PCDHGA6: variants seen among roughly 807,000 people sequenced by gnomAD.
The protein encoded by PCDHGA6 is protocadherin gamma subfamily A, 6.
In PCDHGA6, 41 loss-of-function variants were observed where a neutral mutation model predicts 60.6. The observed-to-expected ratio is 0.68, with a 90% CI of 0.53 to 0.88. The LOEUF (loss-of-function observed/expected upper bound fraction) is 0.88, where lower values mean the gene tolerates loss of function less well. Among genes scored for constraint, PCDHGA6 ranks in the 40% least tolerant of loss-of-function variants. The probability of loss-of-function intolerance (pLI) is 0.00; values close to 1 mark genes in which losing one functional copy is unlikely to be tolerated. For synonymous variants in PCDHGA6, 594 were observed against 524.4 expected, an observed-to-expected ratio of 1.13 and a Z score of -1.81; for missense variants, 1,312 against 1,203.0, an observed-to-expected ratio of 1.09 and a Z score of -1.34.
intron 1 of PCDHGA6, chr5:141,426,685 A>C (rs1342844985): frequency 4.6e-6 from 2 of 432,608 alleles, no homozygotes; most frequent in African/African-American, 2.0e-5. Flanking sequence ...CATTTTCCCC[A>C]AAATAGCATT....
Position 141,422,774 on chromosome 5 carries a change from A to G in PCDHGA6, c.2424+46267A>G, listed in dbSNP as rs372343628. On this transcript the variant is annotated intron_variant, in intron 1 of 3. Coordinates refer to ENST00000517434, the MANE Select transcript of PCDHGA6 (RefSeq NM_018919.3). ...ATTAACTCCAACACTGGTGTTCTCT[A>G]TGCCCTACAATCCTTCGACTATGAG... 100 of 1,613,880 alleles carry G rather than the reference A, an allele frequency of 6.2e-5. 1 individual carries two copies. In the Middle Eastern group the frequency reaches 1.3e-3, roughly 21 times the overall value.
In PCDHGA6 at chr5:141,491,250, C is replaced by T. The variant is rs1328621598; in HGVS notation, c.2425-3557C>T. The T allele has an allele frequency of 6.2e-7, 1 of 1,614,148 alleles. No individual in the cohort carries two copies. Among genetic ancestry groups the T allele is most frequent in the South Asian group, 1.1e-5 (1 of 91,092 alleles). ...TGCTGCTGGTTCTGGAGGATGAGGA[C>T]CCTGAGGAAATGCCCAAATCCAGTG... On this transcript the variant is annotated intron_variant, in intron 1 of 3. Transcript: ENST00000517434. The surrounding 1 kb of genome is among the most constrained non-coding windows in gnomAD (Gnocchi z 6.9).
At chr5:141,462,217 C>T (rs1469685983) in intron 1 of PCDHGA6, among the ~76,000 whole-genome samples, 1 of 152,216 alleles carries the variant, frequency 6.6e-6, no homozygotes, top group South Asian at 2.1e-4. Flanking sequence ...GCCTCGGCCT[C>T]CCAAAGTGCA....
At chr5:141,426,037 G>A (rs2096911238) in intron 1 of PCDHGA6, among the ~76,000 whole-genome samples, 1 of 152,176 alleles carries the variant, frequency 6.6e-6, no homozygotes, top group South Asian at 2.1e-4. Flanking sequence ...TCAGAGCCCT[G>A]CTGTTGGCCA....
chr5:141,438,625 TATATATATATACACAC>T (rs1232816129), intron 1 of PCDHGA6, among the ~76,000 whole-genome samples: 1,472 of 46,190 alleles, frequency 0.032, 16 homozygotes, highest in African/African-American at 0.13. Context: ...TATATATATA[TATATATATATACACAC>T]ACACACACAC....
chr5:141,393,171 G>A (rs768471669), intron 1 of PCDHGA6: 1 of 1,613,268 alleles, frequency 6.2e-7, no homozygotes, highest in Non-Finnish European at 8.5e-7. Context: ...CTTTGGGGTA[G>A]AAATAGAAAT....
chr5:141,450,815 A>AT (rs1554136868), intron 1 of PCDHGA6, among the ~76,000 whole-genome samples: 4,329 of 126,688 alleles, frequency 0.034, 70 homozygotes, highest in Middle Eastern at 0.091. Flanking sequence ...TATTTATTTA[A>AT]TATTATTATT....
At chr5:141,409,262 G>A (rs768196825) in intron 1 of PCDHGA6, 2 of 1,613,834 alleles carry the variant, frequency 1.2e-6, no homozygotes, top group African/African-American at 2.7e-5. Flanking sequence ...TTCTCTCTCT[G>A]ATCAGATTTT....
chr5:141,403,403 C>G (rs755177334), intron 1 of PCDHGA6: 2 of 1,614,066 alleles, frequency 1.2e-6, no homozygotes, highest in Non-Finnish European at 1.7e-6. Context: ...TCCTGGAGCA[C>G]GTTATCCACT....
In PCDHGA6 at chr5:141,487,762, T is replaced by C; in HGVS notation, c.2425-7045T>C. 6.5e-7 allele frequency: 1 copy of C among 1,545,432 alleles called. No homozygotes were observed. The highest frequency in any genetic ancestry group is 8.8e-7 in the Non-Finnish European group (1 of 1,142,332). ...TAAGAGGTAACTATGTGGTAGACGC[T>C]GTGCTTTGTAACTGTTTCGTGAATT... On this transcript the variant is annotated intron_variant, in intron 1 of 3. Coordinates refer to ENST00000517434, the MANE Select transcript of PCDHGA6 (RefSeq NM_018919.3). The surrounding 1 kb of genome is among the most constrained non-coding windows in gnomAD (Gnocchi z 5.0).
chr5:141,375,552 C>T lies in PCDHGA6; in HGVS notation c.1469C>T (p.Ser490Leu). The T allele has an allele frequency of 6.2e-7, 1 of 1,614,058 alleles. No individual in the cohort carries two copies. Residue 490 changes from serine to leucine, a missense_variant, in exon 1 of 4, where the codon TCA (serine) becomes TTA (leucine). Transcript: ENST00000517434. ...GACCAGAACGCCCAAGTCTCCTACTCACTGGCAGAAGACACCCTCCAGGGG... is the reference window on the plus strand; with the variant it reads ...GACCAGAACGCCCAAGTCTCCTACTTACTGGCAGAAGACACCCTCCAGGGG... ...DVDQNAQVSY[S>L]LAEDTLQGAP... is the part of the protein sequence containing the mutation.
chr5:141,457,891 T>C (rs2154566084), intron 1 of PCDHGA6, among the ~76,000 whole-genome samples: 1 of 152,346 alleles, frequency 6.6e-6, no homozygotes, highest in South Asian at 2.1e-4. Context: ...GTGTGGGGAC[T>C]GTGTAGACAA....
intron 1 of PCDHGA6, among the ~76,000 whole-genome samples, chr5:141,465,911 A>G (rs540115471): frequency 6.6e-6 from 1 of 152,260 alleles, no homozygotes; most frequent in East Asian, 1.9e-4. Context: ...TCACGAGGTC[A>G]GGATTTCGAG....
rs184178455 is a variant in PCDHGA6 at position 141,428,574 on chromosome 5, T to C, written c.2424+52067T>C. ...CAGTCCCCCCACAAGATCTTTCTAA[T>C]GAAGTTTCTCTGGTAGCAAGCTTCA... is the stretch of plus-strand genomic sequence containing the variant. On this transcript the variant is annotated intron_variant, in intron 1 of 3. Transcript: ENST00000517434. 1.8e-3 allele frequency: 416 copies of C among 229,070 alleles called. 3 individuals are homozygous for C. The highest frequency in any genetic ancestry group is 2.8e-3 in the Non-Finnish European group (314 of 113,918). The allele number at this position is 229,070 out of a possible 1,614,324, so 14.2% of individuals were successfully genotyped here. A position where few individuals can be genotyped will look rare whatever the true frequency, so the allele number is the denominator to read the frequency against.
chr5:141,469,499 C>T lies in PCDHGA6; in HGVS notation c.2425-25308C>T, dbSNP rs1023274165. Among the ~76,000 whole-genome samples, 22 of 152,128 alleles carry T rather than the reference C, an allele frequency of 1.4e-4. 1 individual carries two copies. The highest frequency in any genetic ancestry group is 3.9e-4 in the African/African-American group (16 of 41,510). On this transcript the variant is annotated intron_variant, in intron 1 of 3. Coordinates refer to ENST00000517434, the MANE Select transcript of PCDHGA6 (RefSeq NM_018919.3). ...CTGAGGCAGGAGAATCGCTTGAACC[C>T]GGGAGGTGGAGGTTGCAGTGAGCCA...
intron 1 of PCDHGA6, chr5:141,378,509 C>T (rs60712207): frequency 0.33 from 49,377 of 151,848 alleles, 8,313 homozygotes; most frequent in Admixed American, 0.44. Flanking sequence ...GGTGACAGAG[C>T]GAGACTCTGT....
At position 141,385,321 on chromosome 5, in the gene PCDHGA6, C is replaced by T. The variant is rs1267234548; in HGVS notation, c.2424+8814C>T. On this transcript the variant is annotated intron_variant, in intron 1 of 3. Transcript: ENST00000517434. ...ATGTAAAGAAAACCTGCCAAGTATT[C>T]AGGTGAGCCCAGCCCTTCCTTTATT... 3.7e-6 allele frequency: 6 copies of T among 1,606,764 alleles called. No homozygotes were observed. The South Asian group carries it at 6.7e-5, about 18-fold the overall frequency.
chr5:141,444,900 T>C (rs997464788), intron 1 of PCDHGA6, among the ~76,000 whole-genome samples: 1 of 152,182 alleles, frequency 6.6e-6, no homozygotes, highest in Non-Finnish European at 1.5e-5. Context: ...TGGGATGGCA[T>C]TGCATCTATA....
intron 1 of PCDHGA6, chr5:141,389,586 G>T: frequency 6.2e-7 from 1 of 1,613,166 alleles, no homozygotes; most frequent in Non-Finnish European, 8.5e-7. Context: ...GCTGGGTCCC[G>T]ACGGCTCTGC....
Sources: gnomAD v4.1 joint callset for allele counts (sites outside exome capture counted in the v4.1 genomes callset) on GRCh38, gnomAD v4.1.1 for gene constraint, Gnocchi (gnomAD v3.1) non-coding constraint, MANE v1.5 for transcripts, NCBI Gene and HGNC (gene_info 2026-07-23, HGNC 2026-07-21) for gene names.